Variants in CNTLN observed in about 807,000 individuals in gnomAD.
The protein encoded by CNTLN is centlein, centrosomal protein.
A neutral mutation model predicts 180.0 loss-of-function variants in CNTLN; 212 were observed. The observed-to-expected ratio is 1.18, with a 90% CI of 1.05 to 1.32. The LOEUF (loss-of-function observed/expected upper bound fraction) is 1.32. Among genes scored for constraint, CNTLN ranks in the 40% most tolerant of loss-of-function variants. CNTLN has a pLI of 0.00. For synonymous variants in CNTLN, 722 were observed against 563.1 expected, an observed-to-expected ratio of 1.28 and a Z score of -3.99; for missense variants, 2,095 against 1,610.9, an observed-to-expected ratio of 1.30 and a Z score of -5.14.
In CNTLN at chr9:17,332,716, G is replaced by A. The variant is rs769065290; in HGVS notation, c.1630G>A (p.Ala544Thr). 5.6e-6 allele frequency: 9 copies of A among 1,599,056 alleles called. No homozygotes were observed. In the South Asian group the frequency reaches 6.8e-5, roughly 12 times the overall value. ...AERKIENLEK[A>T]LQLKSQENDE... is the part of the protein sequence containing the mutation. ...AAGAAAGATTGAAAACTTAGAGAAG[G>A]CACTACAACTAAAGGTGAACATTAA... The change falls in exon 10 of 26, where the codon GCA becomes ACA. Residue 544 changes from alanine to threonine, a missense_variant. Transcript: ENST00000380647.
At chr9:17,323,235 A>C (rs923376936) in intron 8 of CNTLN, among the ~76,000 whole-genome samples, 3 of 152,178 alleles carry the variant, frequency 2.0e-5, no homozygotes, top group African/African-American at 7.2e-5. Context: ...TACTGAGGCA[A>C]TATGGCTCGC....
intron 18 of CNTLN, among the ~76,000 whole-genome samples, chr9:17,451,973 G>C (rs1437312007): frequency 6.6e-6 from 1 of 152,112 alleles, no homozygotes; most frequent in Non-Finnish European, 1.5e-5. Flanking sequence ...AGCTATACCC[G>C]ATCCCATTCA....
intron 2 of CNTLN, among the ~76,000 whole-genome samples, chr9:17,144,837 TTTTA>T (rs1447573507): frequency 5.4e-5 from 8 of 148,516 alleles, no homozygotes; most frequent in Non-Finnish European, 1.0e-4. Flanking sequence ...ATTTTTTTTA[TTTTA>T]TTTTTTTTTT....
chr9:17,526,850 CTT>C, the CNTLN span, among the ~76,000 whole-genome samples: 1 of 149,054 alleles, frequency 6.7e-6, no homozygotes, highest in African/African-American at 2.5e-5. Flanking sequence ...CCTAATCTCT[CTT>C]TTTTTTTTGA....
chr9:17,274,712 C>T (rs1828198767), intron 6 of CNTLN, among the ~76,000 whole-genome samples: 1 of 151,908 alleles, frequency 6.6e-6, no homozygotes, highest in African/African-American at 2.4e-5. Flanking sequence ...TACATCACTG[C>T]CATTCTGGTA....
At chr9:17,242,149 A>G (rs1337021854) in intron 5 of CNTLN, among the ~76,000 whole-genome samples, 1 of 152,134 alleles carries the variant, frequency 6.6e-6, no homozygotes, top group Non-Finnish European at 1.5e-5. Flanking sequence ...CAGCTTTTCC[A>G]CATTCAGTAT....
chr9:17,366,797 T>A, intron 13 of CNTLN, 80 bp downstream of exon 13: 1 of 798,136 alleles, frequency 1.3e-6, no homozygotes, highest in Non-Finnish European at 2.1e-6. Context: ...CAATTTCTTT[T>A]AAGAATCTTA....
intron 2 of CNTLN, among the ~76,000 whole-genome samples, chr9:17,211,782 G>T (rs954732016): frequency 1.3e-5 from 2 of 152,150 alleles, no homozygotes; most frequent in Non-Finnish European, 2.9e-5. Context: ...TCCCTTGTAA[G>T]TTGGATTCCT....
chr9:17,328,220 T>A (rs1820431268), intron 8 of CNTLN, among the ~76,000 whole-genome samples: 1 of 152,212 alleles, frequency 6.6e-6, no homozygotes, highest in African/African-American at 2.4e-5. Context: ...ATTAAAGGTT[T>A]GGTACATTTT....
At chr9:17,180,557 A>T (rs1056485388) in intron 2 of CNTLN, among the ~76,000 whole-genome samples, 1 of 151,794 alleles carries the variant, frequency 6.6e-6, no homozygotes, top group African/African-American at 2.4e-5. Flanking sequence ...TGTTTCAGCC[A>T]TCAAACCTAA....
intron 6 of CNTLN, among the ~76,000 whole-genome samples, chr9:17,294,740 G>A (rs1260436654): frequency 7.8e-6 from 1 of 128,520 alleles, no homozygotes; most frequent in Non-Finnish European, 1.7e-5. Context: ...AGCTCGTCGG[G>A]GAGGCTGTGG....
chr9:17,403,573 A>G (rs74979649), intron 15 of CNTLN, among the ~76,000 whole-genome samples: 1 of 149,888 alleles, frequency 6.7e-6, no homozygotes, highest in African/African-American at 2.5e-5. Context: ...AGTTTTAAGT[A>G]TTTTAGGTAT....
intron 2 of CNTLN, among the ~76,000 whole-genome samples, chr9:17,147,478 C>T (rs1330600882): frequency 6.6e-6 from 1 of 152,106 alleles, no homozygotes; most frequent in Non-Finnish European, 1.5e-5. Context: ...TTTCTGGGGC[C>T]TCTTCTATGA....
At chr9:17,244,053 T>C (rs1183877699) in intron 5 of CNTLN, among the ~76,000 whole-genome samples, 3 of 152,200 alleles carry the variant, frequency 2.0e-5, no homozygotes, top group African/African-American at 7.2e-5. Context: ...TTTATCATTA[T>C]ATAATGATCT....
intron 5 of CNTLN, among the ~76,000 whole-genome samples, chr9:17,255,971 G>C (rs1244474247): frequency 1.3e-5 from 2 of 151,816 alleles, no homozygotes; most frequent in African/African-American, 4.8e-5. Context: ...AGATTTTTTA[G>C]AATACAGTTT....
chr9:17,328,962 C>T (rs1232162868), intron 8 of CNTLN, among the ~76,000 whole-genome samples: 1 of 151,692 alleles, frequency 6.6e-6, no homozygotes, highest in African/African-American at 2.4e-5. Context: ...ACTGTTGGAG[C>T]ATTGTTAATG....
At chr9:17,490,832 C>T (rs139283581) in intron 25 of CNTLN, among the ~76,000 whole-genome samples, 2 of 152,162 alleles carry the variant, frequency 1.3e-5, no homozygotes, top group Non-Finnish European at 1.5e-5. Flanking sequence ...GCTTATTTCA[C>T]GTGTGTTGTG....
intron 5 of CNTLN, among the ~76,000 whole-genome samples, chr9:17,264,635 A>G (rs1390556149): frequency 6.6e-6 from 1 of 152,156 alleles, no homozygotes; most frequent in East Asian, 1.9e-4. Context: ...TACCTTGGGC[A>G]GTATGGCCAT....
At chr9:17,209,272 A>G (rs1008846246) in intron 2 of CNTLN, among the ~76,000 whole-genome samples, 1 of 152,196 alleles carries the variant, frequency 6.6e-6, no homozygotes, top group African/African-American at 2.4e-5. Flanking sequence ...CATTGTAGTC[A>G]GAGAAGATAC....
Sources: allele counts gnomAD v4.1 joint callset (sites outside exome capture counted in the v4.1 genomes callset), GRCh38; gene constraint gnomAD v4.1.1; transcripts MANE v1.5; gene names NCBI Gene and HGNC (gene_info 2026-07-23, HGNC 2026-07-21).